Variants in COQ6 observed in about 807,000 individuals in gnomAD.
COQ6 encodes the protein ubiquinone biosynthesis monooxygenase COQ6, mitochondrial.
A neutral mutation model predicts 55.5 loss-of-function variants in COQ6; 45 were observed. The ratio of observed to expected loss-of-function variants is 0.81; its 90% CI spans 0.64 to 1.04. The LOEUF (loss-of-function observed/expected upper bound fraction) is 1.04, where lower values mean the gene tolerates loss of function less well. COQ6 is among the 50% of genes least tolerant of loss of function. The pLI is 0.00. For missense variants in COQ6, 550 were observed against 601.3 expected (o/e 0.91, Z 0.89); for synonymous variants, 206 against 230.5 (o/e 0.89, Z 0.96).
In COQ6 at chr14:73,960,987, T is replaced by C. The variant is rs542853122; in HGVS notation, c.892-186T>C. The C allele has an allele frequency of 5.4e-5, 40 of 736,746 alleles. No individual in the cohort carries two copies. In the South Asian group the frequency reaches 6.1e-4, roughly 11 times the overall value. The allele number at this position is 736,746 out of a possible 1,614,324, so 45.6% of individuals were successfully genotyped here. A position where few individuals can be genotyped will look rare whatever the true frequency, so the allele number is the denominator to read the frequency against. On this transcript the variant is annotated intron_variant, in intron 8 of 11. Coordinates refer to ENST00000334571, the MANE Select transcript of COQ6 (RefSeq NM_182476.3). ...GCTCATGTACAGTTTGGCTAGATCT[T>C]AAAACCTCTGGGGAGTGATGAGAAG...
At chr14:73,957,799 C>A (rs145916758) in intron 4 of COQ6, among the ~76,000 whole-genome samples, 10 of 152,212 alleles carry the variant, frequency 6.6e-5, no homozygotes, top group African/African-American at 2.4e-4. Flanking sequence ...CTTTTGTAGT[C>A]TAGGATTTGT....
At chr14:73,958,844 C>G in intron 5 of COQ6, 127 bp from the exon 6 acceptor site, 1 of 1,543,102 alleles carries the variant, frequency 6.5e-7, no homozygotes, top group South Asian at 1.2e-5. Flanking sequence ...GTGAGTGAAG[C>G]AGGCCTGATG....
In COQ6 at chr14:73,961,067, G is replaced by GT. The variant is rs1378569959; in HGVS notation, c.892-105dup. The GT allele has an allele frequency of 4.6e-6, 6 of 1,307,820 alleles. No individual in the cohort carries two copies. In the African/African-American group the frequency reaches 7.3e-5, roughly 16 times the overall value. 81.0% of individuals were successfully genotyped at this position (1,307,820 alleles called of 1,614,324 possible). ...GTCAAGATCAGTGTAGGCAAGTTGGGTAGCATTAGCCTAAGCTTTGGTTAC... is the reference window on the plus strand; with the variant it reads ...GTCAAGATCAGTGTAGGCAAGTTGGGTTAGCATTAGCCTAAGCTTTGGTTAC... On this transcript the variant is annotated intron_variant, in intron 8 of 11. Transcript: ENST00000334571.
intron 8 of COQ6, chr14:73,959,845 C>T (rs1023052136): frequency 7.7e-6 from 10 of 1,297,358 alleles, no homozygotes; most frequent in African/African-American, 4.5e-5. Context: ...GCTGGGATTA[C>T]AGGCGTGAGC....
At chr14:73,950,140 T>TTCCA, upstream of COQ6, 1 of 1,596,366 alleles carries the variant, frequency 6.3e-7, no homozygotes, top group Non-Finnish European at 8.5e-7. Flanking sequence ...TCTGGTTGGC[T>TTCCA]TCCAGGGCAG....
chr14:73,950,363 G>T lies in COQ6; in HGVS notation c.31G>T (p.Ala11Ser). 6.4e-7 allele frequency: 1 copy of T among 1,559,970 alleles called. No homozygotes were observed. The highest frequency in any genetic ancestry group is 8.7e-7 in the Non-Finnish European group (1 of 1,154,702). Residue 11 changes from alanine to serine, a missense_variant, in exon 1 of 12, where the codon GCT becomes TCT. Ala to Ser is a moderately conservative substitution (Grantham distance 99). Transcript: ENST00000334571. MAARLVSRCG[A>S]VRAAPHSGPL... Reference sequence around the variant, plus strand: ...GGCCCGGCTTGTCAGCCGATGCGGGGCTGTGCGTGCAGCTCCCCACAGCGG... The same window carrying T: ...GGCCCGGCTTGTCAGCCGATGCGGGTCTGTGCGTGCAGCTCCCCACAGCGG...
intron 4 of COQ6, 72 bp from the exon 5 acceptor site, chr14:73,958,075 T>G (rs1373070476): frequency 4.0e-6 from 5 of 1,243,110 alleles, no homozygotes; most frequent in Non-Finnish European, 4.8e-6. Context: ...GCTTTAGGTT[T>G]AGTTATGGCT....
chr14:73,954,521 CT>C (rs1368685317), intron 2 of COQ6, among the ~76,000 whole-genome samples: 1 of 152,106 alleles, frequency 6.6e-6, no homozygotes, highest in Non-Finnish European at 1.5e-5. Context: ...AGGTTTATAA[CT>C]TCAGCAGGAT....
In COQ6 at chr14:73,956,402, T is replaced by C. The variant is rs1412916220; in HGVS notation, c.481+474T>C. ...TTAGAAGTGGAATTGCTGGGTCATA[T>C]AATAATTCTATGTTTAATATTTTCA... On this transcript the variant is annotated intron_variant, in intron 4 of 11. Transcript: ENST00000334571. The C allele has an allele frequency of 4.2e-5, 7 of 166,900 alleles. No individual in the cohort carries two copies. The East Asian group carries it at 1.1e-3, about 26-fold the overall frequency. 10.3% of individuals were successfully genotyped at this position (166,900 alleles called of 1,614,324 possible).
chr14:73,952,114 C>CTTT (rs869273031), intron 1 of COQ6, among the ~76,000 whole-genome samples: 7,533 of 73,726 alleles, frequency 0.1, 1,113 homozygotes, highest in East Asian at 0.17. Flanking sequence ...CTGGAGCTAA[C>CTTT]TTTTTTTTTT....
At chr14:73,957,093 T>G (rs919254978) in intron 4 of COQ6, among the ~76,000 whole-genome samples, 1 of 129,350 alleles carries the variant, frequency 7.7e-6, no homozygotes, top group Non-Finnish European at 1.8e-5. Flanking sequence ...CTTATTATTA[T>G]TATTATTATT....
At chr14:73,954,936 C>CTTTTTTTTTTTTTTTTTT (rs35787543) in intron 2 of COQ6, among the ~76,000 whole-genome samples, 3 of 126,178 alleles carry the variant, frequency 2.4e-5, no homozygotes, top group Non-Finnish European at 4.8e-5. Flanking sequence ...GAAGCTGAGT[C>CTTTTTTTTTTTTTTTTTT]TTTTTTTTTT....
chr14:73,963,355 TAC>T lies in COQ6; in HGVS notation c.*358_*359del, dbSNP rs1390677583. 22 of 389,954 alleles carry T rather than the reference TAC, an allele frequency of 5.6e-5. No homozygotes were observed. Among genetic ancestry groups the T allele is most frequent in the African/African-American group, 2.1e-5 (1 of 48,496 alleles). The allele number at this position is 389,954 out of a possible 1,614,324, so 24.2% of individuals were successfully genotyped here. ...TGTTTTAATGTTGGTCATAAATTTA[TAC>T]AGTTGTTTTTTGATAGAGGTAAGAA... On this transcript the variant is annotated 3_prime_UTR_variant, in exon 12 of 12. Transcript: ENST00000334571.
rs957351799 is a variant in COQ6, at chr14:73,955,256, G to A, written c.299-195G>A. ...GCATGAGCCACCGCGCCCGGCAGAA[G>A]CTGGGTCTTTTTTCATGCTATACAA... On this transcript the variant is annotated intron_variant, in intron 2 of 11. Coordinates refer to ENST00000334571, the MANE Select transcript of COQ6 (RefSeq NM_182476.3). The A allele has an allele frequency of 4.7e-6, 3 of 634,004 alleles. No individual in the cohort carries two copies. The South Asian group carries it at 5.6e-5, about 12-fold the overall frequency. The allele number at this position is 634,004 out of a possible 1,614,324, so 39.3% of individuals were successfully genotyped here.
intron 8 of COQ6, chr14:73,960,706 C>G: frequency 1.7e-6 from 1 of 578,818 alleles, no homozygotes; most frequent in East Asian, 7.9e-5. Context: ...AATCTCCGTA[C>G]AGTGATAGAA....
Position 73,962,953 on chromosome 14 carries a change from T to TTTTA in COQ6, c.1378-13_1378-10dup. The TTTTA allele has an allele frequency of 1.9e-6, 3 of 1,594,562 alleles. No individual in the cohort carries two copies. Among genetic ancestry groups the TTTTA allele is most frequent in the Non-Finnish European group, 2.6e-6 (3 of 1,162,292 alleles). On this transcript the variant is annotated splice_polypyrimidine_tract_variant and intron_variant, in intron 11 of 11. Coordinates refer to ENST00000334571, the MANE Select transcript of COQ6 (RefSeq NM_182476.3). ...TTACTGTGTTAAGAGTTTCATTCAC[T>TTTTA]TTTATTTTTTCTCCAGGAACAGATT...
chr14:73,959,241 A>T lies in COQ6; in HGVS notation c.783+17A>T. 6.2e-7 allele frequency: 1 copy of T among 1,614,184 alleles called. No homozygotes were observed. The highest frequency in any genetic ancestry group is 1.1e-5 in the South Asian group (1 of 91,082). The stretch of plus-strand genomic sequence containing the variant: ...CTGCTCCCGGTAAGAGGTCCTTCTG[A>T]CCAGTCCGCCCACATGCATGCAAGC... On this transcript the variant is annotated intron_variant, in intron 7 of 11. Transcript: ENST00000334571.
chr14:73,957,448 G>T (rs1363275540), intron 4 of COQ6, among the ~76,000 whole-genome samples: 2 of 152,152 alleles, frequency 1.3e-5, no homozygotes, highest in Non-Finnish European at 1.5e-5. Flanking sequence ...TGTAAATGAT[G>T]TATACAGGCT....
chr14:73,957,823 A>G (rs2140393381), intron 4 of COQ6, among the ~76,000 whole-genome samples: 1 of 152,310 alleles, frequency 6.6e-6, no homozygotes, highest in South Asian at 2.1e-4. Flanking sequence ...AGCCTATGGT[A>G]TTCCCAGCCT....
Sources: gnomAD v4.1 joint callset for allele counts (sites outside exome capture counted in the v4.1 genomes callset) on GRCh38, gnomAD v4.1.1 for gene constraint, MANE v1.5 for transcripts, NCBI Gene and HGNC (gene_info 2026-07-23, HGNC 2026-07-21) for gene names.